The following PLXNB2 variants were observed in gnomAD, a reference collection of about 807,000 sequenced individuals.
PLXNB2 encodes plexin B2.
A neutral mutation model predicts 202.6 loss-of-function variants in PLXNB2; 85 were observed. The ratio of observed to expected loss-of-function variants is 0.42; its 90% CI spans 0.35 to 0.50. The LOEUF (loss-of-function observed/expected upper bound fraction) is 0.50. PLXNB2 is among the 20% of genes least tolerant of loss of function. The pLI, the probability that PLXNB2 is intolerant of heterozygous loss-of-function variation, is 0.02. For synonymous variants in PLXNB2, 1,239 were observed against 1,137.6 expected (o/e 1.09, Z -1.79); for missense variants, 2,063 against 2,586.2 (o/e 0.80, Z 4.39).
chr22:50,282,152 G>A (rs774331931), intron 19 of PLXNB2, 32 bp downstream of exon 19: 34 of 1,603,898 alleles, frequency 2.1e-5, no homozygotes, highest in East Asian at 6.7e-5. Flanking sequence ...CCCATGGGCC[G>A]GTGCCAGAGC....
intron 27 of PLXNB2, among the ~76,000 whole-genome samples, chr22:50,279,295 C>G (rs1474654903): frequency 2.6e-5 from 4 of 152,256 alleles, no homozygotes; most frequent in Non-Finnish European, 5.9e-5. Context: ...ACAGAATACA[C>G]ACGTCTCACA....
chr22:50,280,556 G>T lies in PLXNB2; in HGVS notation c.4108C>A (p.His1370Asn). The change falls in exon 25 of 37, where the codon CAC (histidine) becomes AAC (asparagine). Residue 1370 changes from histidine to asparagine, a missense_variant. This residue lies in a region of PLXNB2 where 760 missense variants were observed against 1,109.4 expected (regional missense o/e 0.69). Coordinates refer to ENST00000359337, the MANE Select transcript of PLXNB2 (RefSeq NM_012401.4). ...TCCAGGAGCTCCAGGAAGAGCGTGT[G>T]CATGATGTCCGTGTAGTACTCCAGT... is the stretch of plus-strand genomic sequence containing the variant. ...GKLEYYTDIM[H>N]TLFLELLEQY... The T allele has an allele frequency of 6.2e-7, 1 of 1,612,152 alleles. No homozygotes were observed. Among genetic ancestry groups the T allele is most frequent in the Non-Finnish European group, 8.5e-7 (1 of 1,179,830 alleles).
At chr22:50,295,008 T>C (rs990511736) in intron 1 of PLXNB2, among the ~76,000 whole-genome samples, 2 of 152,208 alleles carry the variant, frequency 1.3e-5, no homozygotes, top group African/African-American at 2.4e-5. Context: ...GTATGGCTAT[T>C]ACTTTGCTTA....
In PLXNB2 at chr22:50,297,292, C is replaced by A. The variant is rs984387665; in HGVS notation, c.-73-2514G>T. On this transcript the variant is annotated intron_variant, in intron 1 of 36. Transcript: ENST00000359337. The surrounding 1 kb of genome is among the most constrained non-coding windows in gnomAD (Gnocchi z 5.3). Reference sequence around the variant, plus strand: ...CACGGGCCCAGGCCCCAGGCGTGGGCGGGGGCAGCCAAGGTCAGGGGAGGC... The same window carrying A: ...CACGGGCCCAGGCCCCAGGCGTGGGAGGGGGCAGCCAAGGTCAGGGGAGGC... Among the ~76,000 whole-genome samples the A allele has an allele frequency of 6.6e-6, 1 of 152,182 alleles. No individual in the cohort carries two copies. The highest frequency in any genetic ancestry group is 1.9e-4 in the East Asian group (1 of 5,194).
At chr22:50,281,064 G>A in intron 23 of PLXNB2, 25 bp downstream of exon 23, 2 of 1,606,658 alleles carry the variant, frequency 1.2e-6, no homozygotes, top group East Asian at 2.2e-5. Context: ...AGGCGCCCCA[G>A]CACCAGCCCC....
In PLXNB2 at chr22:50,284,028, T is replaced by C; in HGVS notation, c.2264-38A>G. 1 of 1,524,238 alleles carries C rather than the reference T, an allele frequency of 6.6e-7. No homozygotes were observed. Among genetic ancestry groups the C allele is most frequent in the Non-Finnish European group, 8.8e-7 (1 of 1,139,140 alleles). The allele number at this position is 1,524,238 out of a possible 1,614,324, so 94.4% of individuals were successfully genotyped here. On this transcript the variant is annotated intron_variant, in intron 13 of 36. Transcript: ENST00000359337. This position sits in a 1 kb window ranked among gnomAD's most constrained non-coding sequence, Gnocchi z 8.0. ...CTGCCGTCAGTGGTCACCCCGTGCCTGCCCGCCCCCGACCTGCTCCCCACT... is the reference window on the plus strand; with the variant it reads ...CTGCCGTCAGTGGTCACCCCGTGCCCGCCCGCCCCCGACCTGCTCCCCACT...
rs1232494303 is a variant in PLXNB2 at position 50,290,300 on chromosome 22, A to G, written c.285T>C (p.Asn95=). Residue 95 remains asparagine (N), a synonymous_variant, in exon 3 of 37, where the codon AAT becomes AAC. Transcript: ENST00000359337. ...GGTCGAGCAGCAGCAGCTGGTTGAC[A>G]TTGTCAGTCATCTCAGCCTCATGGC... ...SQCHEAEMTD[N]VNQLLLLDPP... The G allele has an allele frequency of 1.2e-6, 2 of 1,611,998 alleles. No homozygotes were observed. Among genetic ancestry groups the G allele is most frequent in the Non-Finnish European group, 1.7e-6 (2 of 1,180,002 alleles).
chr22:50,288,182 G>A lies in PLXNB2; in HGVS notation c.1381-145C>T, dbSNP rs75164234. The A allele has an allele frequency of 0.011, 7,073 of 635,816 alleles. 404 individuals are homozygous for A. The African/African-American group carries it at 0.12, about 10-fold the overall frequency. The allele number at this position is 635,816 out of a possible 1,614,324, so 39.4% of individuals were successfully genotyped here. On this transcript the variant is annotated intron_variant, in intron 5 of 36. Coordinates refer to ENST00000359337, the MANE Select transcript of PLXNB2 (RefSeq NM_012401.4). This position sits in a 1 kb window ranked among gnomAD's most constrained non-coding sequence, Gnocchi z 5.0. ...GACACCTCAGGCTTGATATTAAACAGTTCTGGCTCTGGGTGGCCATGCCTG... is the reference window on the plus strand; with the variant it reads ...GACACCTCAGGCTTGATATTAAACAATTCTGGCTCTGGGTGGCCATGCCTG...
At position 50,283,059 on chromosome 22, in the gene PLXNB2, G is replaced by A. The variant is rs777954936; in HGVS notation, c.2807C>T (p.Pro936Leu). The part of the protein sequence containing the change: ...EDVRVTLNGV[P>L]CKVTKFGAQL... ...TGGCGGTGACACCCACACTTTACAC[G>A]GGACGCCGTTGAGGGTCACCCGCAC... Residue 936 changes from proline to leucine, a missense_variant, in exon 17 of 37, where the codon CCG becomes CTG. Pro to Leu is a moderately conservative substitution (Grantham distance 98). Around this residue, in one of 2 missense-constraint regions of PLXNB2, gnomAD observed 1,303 missense variants for 1,476.8 expected, o/e 0.88. Coordinates refer to ENST00000359337, the MANE Select transcript of PLXNB2 (RefSeq NM_012401.4). The A allele has an allele frequency of 1.6e-5, 25 of 1,610,138 alleles. 1 individual carries two copies. Among genetic ancestry groups the A allele is most frequent in the African/African-American group, 2.7e-5 (2 of 74,986 alleles).
chr22:50,305,871 G>A (rs1040658254), intron 1 of PLXNB2, among the ~76,000 whole-genome samples: 1 of 152,168 alleles, frequency 6.6e-6, no homozygotes, highest in Non-Finnish European at 1.5e-5. Flanking sequence ...CCCCCAGAGG[G>A]GCTTGGGCCC....
rs2065719344 is a variant in PLXNB2, at chr22:50,277,899, G to A, written c.5002C>T (p.His1668Tyr). Reference sequence around the variant, plus strand: ...ATGGTGTCTTCATCCTGGATGTTGTGCTTCTCTGCCTGCTCGTCCAGGAAG... The same window carrying A: ...ATGGTGTCTTCATCCTGGATGTTGTACTTCTCTGCCTGCTCGTCCAGGAAG... ...FDFLDEQAEK[H>Y]NIQDEDTIHI... Residue 1668 changes from histidine (H) to tyrosine (Y), a missense_variant, in exon 32 of 37, where the codon CAC becomes TAC. Physicochemically the swap from His to Tyr is moderately conservative, Grantham distance 83. Around this residue, in one of 2 missense-constraint regions of PLXNB2, gnomAD observed 760 missense variants for 1,109.4 expected, o/e 0.69. Transcript: ENST00000359337. The A allele has an allele frequency of 6.2e-7, 1 of 1,613,088 alleles. No homozygotes were observed. Among genetic ancestry groups the A allele is most frequent in the Admixed American group, 1.7e-5 (1 of 60,016 alleles).
At chr22:50,306,269 CGTGGGAGGACTCAGAT>C (rs1026552906) in intron 1 of PLXNB2, among the ~76,000 whole-genome samples, 1 of 152,204 alleles carries the variant, frequency 6.6e-6, no homozygotes, top group African/African-American at 2.4e-5. Context: ...CCATAGGTAC[CGTGGGAGGACTCAGAT>C]GTGCCAGGCC....
rs372165156 is a variant in PLXNB2 at position 50,293,173 on chromosome 22, G to C, written c.-14+1546C>G. Among the ~76,000 whole-genome samples the C allele has an allele frequency of 1.2e-4, 19 of 152,352 alleles. No homozygotes were observed. The South Asian group carries it at 3.7e-3, about 30-fold the overall frequency. ...CAAGCCCACGGGAACCTCTGGGCATGATCCTGGTGGAGGGGGTTCTATGCC... is the reference window on the plus strand; with the variant it reads ...CAAGCCCACGGGAACCTCTGGGCATCATCCTGGTGGAGGGGGTTCTATGCC... On this transcript the variant is annotated intron_variant, in intron 2 of 36. Transcript: ENST00000359337.
intron 16 of PLXNB2, 74 bp from the exon 17 acceptor site, chr22:50,283,260 G>C (rs1258420738): frequency 6.2e-7 from 1 of 1,606,718 alleles, no homozygotes; most frequent in East Asian, 2.2e-5. Context: ...GATGGTAACT[G>C]TCGTGGGGAG....
At chr22:50,302,294 G>A (rs1356022928) in intron 1 of PLXNB2, among the ~76,000 whole-genome samples, 1 of 151,864 alleles carries the variant, frequency 6.6e-6, no homozygotes, top group African/African-American at 2.4e-5. Context: ...GAGGCCAGAG[G>A]GACAGGGATT....
intron 2 of PLXNB2, among the ~76,000 whole-genome samples, chr22:50,293,957 C>G (rs574930916): frequency 6.6e-6 from 1 of 152,248 alleles, no homozygotes; most frequent in African/African-American, 2.4e-5. Flanking sequence ...GTGGCAGGCG[C>G]GGCTGGGGTG....
At chr22:50,287,407 C>T (rs1374111629) in intron 7 of PLXNB2, 143 bp from the exon 8 acceptor site, 2 of 1,005,308 alleles carry the variant, frequency 2.0e-6, no homozygotes, top group South Asian at 3.4e-5. Context: ...ATACAGGCCT[C>T]TCTGTGGTCA....
chr22:50,282,342 G>GGCTGGCAGGGGTGGTCCCT, intron 18 of PLXNB2, 29 bp from the exon 19 acceptor site: 2 of 1,568,912 alleles, frequency 1.3e-6, no homozygotes, highest in Non-Finnish European at 8.7e-7. Flanking sequence ...TCGTGGGCTC[G>GGCTGGCAGGGGTGGTCCCT]GCTGGCAGGG....
chr22:50,275,150 G>A lies in PLXNB2; in HGVS notation c.*554C>T, dbSNP rs568289057. ...GGCCCCGACGTAGGACTTGACCTAC[G>A]TCTCACTTGACCTTTGACGTGGGGC... On this transcript the variant is annotated 3_prime_UTR_variant, in exon 37 of 37. Coordinates refer to ENST00000359337, the MANE Select transcript of PLXNB2 (RefSeq NM_012401.4). 8.8e-5 allele frequency: 26 copies of A among 296,268 alleles called. No homozygotes were observed. The highest frequency in any genetic ancestry group is 1.4e-4 in the South Asian group (5 of 35,340). 18.4% of individuals were successfully genotyped at this position (296,268 alleles called of 1,614,324 possible).
Sources: allele counts gnomAD v4.1 joint callset (sites outside exome capture counted in the v4.1 genomes callset), GRCh38; gene constraint gnomAD v4.1.1; regional missense constraint gnomAD v4.1.1; non-coding constraint Gnocchi (gnomAD v3.1); transcripts MANE v1.5; gene names NCBI Gene and HGNC (gene_info 2026-07-23, HGNC 2026-07-21).